CDH11: variants seen among roughly 807,000 people sequenced by gnomAD.
CDH11 encodes the protein cadherin 11, also known as cadherin-11.
CDH11 carries 11 observed loss-of-function variants against 67.8 expected under a neutral mutation model. The ratio of observed to expected loss-of-function variants is 0.16; its 90% CI spans 0.10 to 0.27. The LOEUF (loss-of-function observed/expected upper bound fraction) is 0.27, where lower values mean the gene tolerates loss of function less well. CDH11 is among the 10% of genes least tolerant of loss of function. The pLI is 1.00. For synonymous variants in CDH11, 419 were observed against 400.0 expected (o/e 1.05, Z -0.57); for missense variants, 847 against 1,031.2 (o/e 0.82, Z 2.45).
chr16:65,062,644 A>T (rs1597148318), intron 1 of CDH11, among the ~76,000 whole-genome samples: 1 of 152,336 alleles, frequency 6.6e-6, no homozygotes, highest in African/African-American at 2.4e-5. Context: ...CTAGGCACTT[A>T]CTCTGAAGAC....
chr16:64,990,546 C>T (rs921841649), intron 6 of CDH11, among the ~76,000 whole-genome samples: 1 of 152,192 alleles, frequency 6.6e-6, no homozygotes, highest in Middle Eastern at 3.2e-3. Flanking sequence ...CATTCATACA[C>T]ATCTGTACAT....
At chr16:65,020,338 CT>C (rs1222344651) in intron 2 of CDH11, among the ~76,000 whole-genome samples, 2 of 152,016 alleles carry the variant, frequency 1.3e-5, no homozygotes, top group Non-Finnish European at 2.9e-5. Context: ...TTACCAGAAA[CT>C]TTTTTTATTA....
chr16:65,025,326 T>C (rs1370051489), intron 2 of CDH11, among the ~76,000 whole-genome samples: 1 of 152,122 alleles, frequency 6.6e-6, no homozygotes, highest in Non-Finnish European at 1.5e-5. Flanking sequence ...CTTACATTTA[T>C]TTGGGTAGGT....
rs2072842008 is a variant in CDH11 at position 64,998,818 on chromosome 16, T to C, written c.267A>G (p.Lys89=). ...CAGCTCCTTCCCCTGAGAGAATGTA[T>C]TTAATGTTCCCATCACCAGAGTCAA... The part of the protein sequence containing the change: ...SDIDSGDGNI[K]YILSGEGAGT... The change falls in exon 4 of 13, where the codon AAA becomes AAG. Residue 89 remains lysine (K), a synonymous_variant. Coordinates refer to ENST00000268603, the MANE Select transcript of CDH11 (RefSeq NM_001797.4). 1.4e-5 allele frequency: 23 copies of C among 1,614,116 alleles called. No individual in the cohort carries two copies. The highest frequency in any genetic ancestry group is 1.9e-5 in the Non-Finnish European group (23 of 1,179,980).
chr16:65,030,293 A>G (rs1280038494), intron 2 of CDH11, among the ~76,000 whole-genome samples: 1 of 152,208 alleles, frequency 6.6e-6, no homozygotes, highest in Non-Finnish European at 1.5e-5. Flanking sequence ...TGGCGGACAT[A>G]CTTATATTAA....
At position 65,045,569 on chromosome 16, in the gene CDH11, G is replaced by A. The variant is rs556702547; in HGVS notation, c.-173+8235C>T. Among the ~76,000 whole-genome samples the A allele has an allele frequency of 2.8e-4, 42 of 151,708 alleles. No individual in the cohort carries two copies. In the South Asian group the frequency reaches 4.2e-3, roughly 15 times the overall value. On this transcript the variant is annotated intron_variant, in intron 2 of 12. Transcript: ENST00000268603. ...TTGGTGGCAGATTTTAGTATAGCTC[G>A]TTCCCTTTACTTCCCTGATTTATCT...
At chr16:65,069,053 C>A (rs1282001425) in intron 1 of CDH11, among the ~76,000 whole-genome samples, 1 of 152,190 alleles carries the variant, frequency 6.6e-6, no homozygotes, top group Non-Finnish European at 1.5e-5. Context: ...TATTGCAATT[C>A]TTTGCGTAAT....
intron 1 of CDH11, among the ~76,000 whole-genome samples, chr16:65,091,121 C>T (rs1382531215): frequency 6.6e-6 from 1 of 152,202 alleles, no homozygotes; most frequent in African/African-American, 2.4e-5. Context: ...TACCTCTTAA[C>T]ATTTTATCCT....
At chr16:65,016,489 A>G (rs35176) in intron 2 of CDH11, among the ~76,000 whole-genome samples, 58,357 of 152,076 alleles carry the variant, frequency 0.38, 11,567 homozygotes, top group Middle Eastern at 0.48. Flanking sequence ...CAGATAATAT[A>G]GCTCACTTAA....
intron 1 of CDH11, among the ~76,000 whole-genome samples, chr16:65,115,173 C>T (rs536732803): frequency 1.2e-4 from 18 of 152,146 alleles, no homozygotes; most frequent in Middle Eastern, 3.4e-3. Context: ...GCAACCCATA[C>T]GCAGAACGAA....
chr16:65,040,616 T>C (rs2073850181), intron 2 of CDH11, among the ~76,000 whole-genome samples: 1 of 151,956 alleles, frequency 6.6e-6, no homozygotes. Flanking sequence ...AAATGATGAG[T>C]TAATGGGTGC....
intron 2 of CDH11, among the ~76,000 whole-genome samples, chr16:65,039,274 C>A (rs528504361): frequency 1.3e-5 from 2 of 152,272 alleles, no homozygotes; most frequent in South Asian, 2.1e-4. Flanking sequence ...GCCAAAAGAA[C>A]AAAGCTTGAG....
intron 8 of CDH11, among the ~76,000 whole-genome samples, chr16:64,975,727 T>A (rs1320117438): frequency 6.6e-6 from 1 of 152,318 alleles, no homozygotes; most frequent in South Asian, 2.1e-4. Context: ...TTTAAATAAA[T>A]TTTTATAAAG....
At chr16:64,983,313 A>C (rs2072403934) in intron 7 of CDH11, 1 of 152,184 alleles carries the variant, frequency 6.6e-6, no homozygotes, top group Non-Finnish European at 1.5e-5. Flanking sequence ...GAATGAGAGG[A>C]GTTACAGTGA....
At chr16:65,042,974 C>A (rs2142675257) in intron 2 of CDH11, among the ~76,000 whole-genome samples, 1 of 152,272 alleles carries the variant, frequency 6.6e-6, no homozygotes, top group African/African-American at 2.4e-5. Flanking sequence ...GTTTACTCTG[C>A]AAAGCAATCA....
chr16:65,086,780 A>T (rs1470659097), intron 1 of CDH11, among the ~76,000 whole-genome samples: 2 of 152,200 alleles, frequency 1.3e-5, no homozygotes, highest in Non-Finnish European at 2.9e-5. Flanking sequence ...ACTACCTTTT[A>T]TAAAACTCTC....
At chr16:65,048,160 C>T (rs1348247370) in intron 2 of CDH11, among the ~76,000 whole-genome samples, 1 of 152,188 alleles carries the variant, frequency 6.6e-6, no homozygotes. Flanking sequence ...CTTTTCTCCT[C>T]TTGCCATTTT....
chr16:65,039,316 C>A (rs997896783), intron 2 of CDH11, among the ~76,000 whole-genome samples: 1 of 152,202 alleles, frequency 6.6e-6, no homozygotes, highest in African/African-American at 2.4e-5. Flanking sequence ...AACTATACTA[C>A]AAGGCTACAG....
chr16:65,035,829 A>G (rs573993174), intron 2 of CDH11, among the ~76,000 whole-genome samples: 1 of 152,310 alleles, frequency 6.6e-6, no homozygotes, highest in Non-Finnish European at 1.5e-5. Flanking sequence ...CCGAGTGAAG[A>G]TGAAGGCTGC....
Sources: allele counts gnomAD v4.1 joint callset (sites outside exome capture counted in the v4.1 genomes callset), GRCh38; gene constraint gnomAD v4.1.1; transcripts MANE v1.5; gene names NCBI Gene and HGNC (gene_info 2026-07-23, HGNC 2026-07-21).